Variants in SORCS3 observed in about 807,000 individuals in gnomAD.
SORCS3 encodes the protein sortilin related VPS10 domain containing receptor 3, also known as VPS10 domain-containing receptor SorCS3.
A neutral mutation model predicts 146.3 loss-of-function variants in SORCS3; 57 were observed. The ratio of observed to expected loss-of-function variants is 0.39; its 90% CI spans 0.31 to 0.49. SORCS3 has a LOEUF of 0.49. Among genes scored for constraint, SORCS3 ranks in the 20% least tolerant of loss-of-function variants. SORCS3 has a pLI of 0.92. For synonymous variants in SORCS3, 653 were observed against 618.5 expected (o/e 1.06, Z -0.83); for missense variants, 1,341 against 1,575.5 (o/e 0.85, Z 2.52).
At chr10:104,813,557 C>A (rs935532075) in intron 1 of SORCS3, among the ~76,000 whole-genome samples, 1 of 152,070 alleles carries the variant, frequency 6.6e-6, no homozygotes, top group Non-Finnish European at 1.5e-5. Context: ...CTTAGCAACT[C>A]ATTTCCAGTG....
chr10:104,705,582 A>T (rs558720441), intron 1 of SORCS3, among the ~76,000 whole-genome samples: 1 of 152,344 alleles, frequency 6.6e-6, no homozygotes, highest in South Asian at 2.1e-4. Flanking sequence ...TGTAATGACA[A>T]TGATAAATGG....
chr10:105,088,829 A>G (rs530287110), intron 5 of SORCS3, among the ~76,000 whole-genome samples: 123 of 152,318 alleles, frequency 8.1e-4, no homozygotes, highest in African/African-American at 2.9e-3. Context: ...ACCATTTTCA[A>G]TTCTACTTTC....
chr10:104,981,962 G>T (rs1589578062), intron 4 of SORCS3, among the ~76,000 whole-genome samples: 1 of 152,266 alleles, frequency 6.6e-6, no homozygotes. Flanking sequence ...GGGCCACAGT[G>T]GTCTAGAATT....
chr10:104,756,464 G>A (rs2017051866), intron 1 of SORCS3, among the ~76,000 whole-genome samples: 1 of 152,206 alleles, frequency 6.6e-6, no homozygotes, highest in Non-Finnish European at 1.5e-5. Flanking sequence ...TGAAGCTGAT[G>A]GAGAGCTCAA....
intron 1 of SORCS3, among the ~76,000 whole-genome samples, chr10:104,662,902 A>G (rs2015720740): frequency 6.6e-6 from 1 of 152,218 alleles, no homozygotes; most frequent in Non-Finnish European, 1.5e-5. Context: ...GAAACATGTA[A>G]TTAGCAGTGG....
chr10:104,824,780 C>A (rs539528018), intron 1 of SORCS3, among the ~76,000 whole-genome samples: 2 of 152,228 alleles, frequency 1.3e-5, no homozygotes, highest in Admixed American at 1.3e-4. Context: ...AGGAAATTCA[C>A]TGGAGTCAGC....
chr10:105,058,845 A>T (rs191707313), intron 5 of SORCS3, among the ~76,000 whole-genome samples: 5 of 152,358 alleles, frequency 3.3e-5, no homozygotes, highest in Non-Finnish European at 5.9e-5. Flanking sequence ...TCAATAGAAT[A>T]GAGTAGAATA....
At chr10:104,893,349 G>C (rs2018767580) in intron 2 of SORCS3, among the ~76,000 whole-genome samples, 1 of 152,180 alleles carries the variant, frequency 6.6e-6, no homozygotes, top group African/African-American at 2.4e-5. Context: ...GGTCTCCCAG[G>C]CATCGCCATA....
chr10:105,185,295 T>C (rs1215985533), intron 14 of SORCS3, among the ~76,000 whole-genome samples: 6 of 152,224 alleles, frequency 3.9e-5, no homozygotes, highest in Non-Finnish European at 1.5e-5. Flanking sequence ...AGGTGTATCT[T>C]GCTTGGTGTG....
At chr10:105,243,096 G>T (rs1348935177) in intron 20 of SORCS3, among the ~76,000 whole-genome samples, 1 of 123,420 alleles carries the variant, frequency 8.1e-6, no homozygotes, top group Non-Finnish European at 1.8e-5. Flanking sequence ...TAGCCATTCT[G>T]TTGGGTGTTT....
chr10:105,096,139 A>AGAC (rs1564752774), intron 6 of SORCS3, among the ~76,000 whole-genome samples: 1 of 118,376 alleles, frequency 8.4e-6, no homozygotes, highest in Non-Finnish European at 2.0e-5. Flanking sequence ...CACAGACACA[A>AGAC]ACAAACAAGC....
intron 2 of SORCS3, among the ~76,000 whole-genome samples, chr10:104,893,084 T>C (rs995747303): frequency 2.6e-5 from 4 of 152,186 alleles, no homozygotes; most frequent in Non-Finnish European, 5.9e-5. Context: ...GTTTCCATTG[T>C]GCGTCATAGT....
intron 20 of SORCS3, among the ~76,000 whole-genome samples, chr10:105,234,707 C>T (rs1236617371): frequency 1.3e-5 from 2 of 151,930 alleles, no homozygotes; most frequent in East Asian, 3.9e-4. Context: ...TGATCCCTAG[C>T]ATTTCTTTTT....
At chr10:104,950,698 C>T (rs991359789) in intron 3 of SORCS3, among the ~76,000 whole-genome samples, 6 of 152,072 alleles carry the variant, frequency 3.9e-5, no homozygotes, top group East Asian at 1.9e-4. Context: ...GACTCAGACC[C>T]GGGGAAATTC....
At chr10:105,157,983 C>T (rs998624148) in intron 10 of SORCS3, among the ~76,000 whole-genome samples, 3 of 152,226 alleles carry the variant, frequency 2.0e-5, no homozygotes, top group African/African-American at 7.2e-5. Flanking sequence ...GATTTATTAA[C>T]CACTTATCTT....
intron 1 of SORCS3, among the ~76,000 whole-genome samples, chr10:104,772,672 C>A (rs1348026332): frequency 6.6e-6 from 1 of 152,184 alleles, no homozygotes; most frequent in African/African-American, 2.4e-5. Context: ...ATGCCATGAT[C>A]TTTGCCATCA....
intron 1 of SORCS3, among the ~76,000 whole-genome samples, chr10:104,793,305 A>AG (rs2017515676): frequency 1.3e-5 from 2 of 152,210 alleles, no homozygotes; most frequent in Non-Finnish European, 2.9e-5. Context: ...ATTCAATCCC[A>AG]GGTCTGCTGG....
intron 2 of SORCS3, among the ~76,000 whole-genome samples, chr10:104,877,761 A>T (rs1391091485): frequency 6.6e-6 from 1 of 152,210 alleles, no homozygotes; most frequent in Non-Finnish European, 1.5e-5. Flanking sequence ...AAGGAGTCAG[A>T]TACCACATAG....
chr10:105,221,019 C>T (rs1336260233), intron 19 of SORCS3, among the ~76,000 whole-genome samples: 1 of 152,138 alleles, frequency 6.6e-6, no homozygotes, highest in African/African-American at 2.4e-5. Flanking sequence ...AGGCAGAGCG[C>T]TTTAGGCAGA....
Sources: gnomAD v4.1 joint callset for allele counts (sites outside exome capture counted in the v4.1 genomes callset) on GRCh38, gnomAD v4.1.1 for gene constraint, MANE v1.5 for transcripts, NCBI Gene and HGNC (gene_info 2026-07-23, HGNC 2026-07-21) for gene names.